SCEL: variants seen among roughly 807,000 people sequenced by gnomAD.
SCEL encodes sciellin.
Under a neutral mutation model 117.6 loss-of-function variants are expected in SCEL, and 113 were observed. That is an observed-to-expected ratio of 0.96 (90% CI 0.83 to 1.12). The LOEUF is 1.12. SCEL is among the 50% of genes most tolerant of loss of function. The pLI is 0.00. For synonymous variants in SCEL, 270 were observed against 256.2 expected (o/e 1.05, Z -0.51); for missense variants, 785 against 810.8 (o/e 0.97, Z 0.39).
intron 8 of SCEL, among the ~76,000 whole-genome samples, chr13:77,571,652 A>G (rs889718315): frequency 2.0e-5 from 3 of 151,396 alleles, no homozygotes; most frequent in East Asian, 1.9e-4. Context: ...TCGCGCCATT[A>G]CACTCCGGCC....
At chr13:77,584,618 T>C (rs1386609590) in intron 9 of SCEL, among the ~76,000 whole-genome samples, 2 of 152,308 alleles carry the variant, frequency 1.3e-5, no homozygotes, top group East Asian at 1.9e-4. Flanking sequence ...GACTGTAACA[T>C]AAGTAAAGCT....
intron 1 of SCEL, among the ~76,000 whole-genome samples, chr13:77,547,366 TA>T (rs901905205): frequency 6.6e-5 from 10 of 152,312 alleles, no homozygotes; most frequent in African/African-American, 2.4e-4. Context: ...TTTTTTAAAA[TA>T]AAAAAATTCA....
At position 77,591,477 on chromosome 13, in the gene SCEL, T is replaced by C; in HGVS notation, c.692+17T>C. On this transcript the variant is annotated intron_variant, in intron 11 of 32. Coordinates refer to ENST00000349847, the MANE Select transcript of SCEL (RefSeq NM_144777.3). ...AAATATAAGGTACACTGATTTCTAT[T>C]TATATCTATGTAACTGTAGTAATGA... The C allele has an allele frequency of 2.9e-6, 4 of 1,376,978 alleles. No individual in the cohort carries two copies. The highest frequency in any genetic ancestry group is 4.1e-6 in the Non-Finnish European group (4 of 969,362). The allele number at this position is 1,376,978 out of a possible 1,614,324, so 85.3% of individuals were successfully genotyped here.
chr13:77,614,013 G>GAATAATTCT, intron 24 of SCEL, 58 bp downstream of exon 24: 1 of 1,332,604 alleles, frequency 7.5e-7, no homozygotes, highest in Non-Finnish European at 1.1e-6. Context: ...AAAATTAATA[G>GAATAATTCT]AAATGATTTA....
At chr13:77,565,478 G>A (rs562545199) in intron 5 of SCEL, among the ~76,000 whole-genome samples, 3 of 152,272 alleles carry the variant, frequency 2.0e-5, no homozygotes, top group East Asian at 1.9e-4. Flanking sequence ...TTTGGGCAAA[G>A]TATCCTGGCA....
chr13:77,613,978 G>C (rs777311775), intron 24 of SCEL, 23 bp downstream of exon 24: 2 of 1,599,832 alleles, frequency 1.3e-6, no homozygotes, highest in Admixed American at 3.4e-5. Flanking sequence ...TGTGATTTTT[G>C]TTGTGTTTCT....
At chr13:77,592,771 C>T (rs904229745) in intron 11 of SCEL, among the ~76,000 whole-genome samples, 4 of 151,974 alleles carry the variant, frequency 2.6e-5, no homozygotes, top group African/African-American at 9.7e-5. Flanking sequence ...CCCTTTGATG[C>T]CCAGGCTAAT....
chr13:77,626,848 C>G (rs1204353597), intron 27 of SCEL, among the ~76,000 whole-genome samples: 1 of 151,980 alleles, frequency 6.6e-6, no homozygotes, highest in East Asian at 1.9e-4. Flanking sequence ...GAATGGTTGA[C>G]TAACTTGGTC....
intron 27 of SCEL, among the ~76,000 whole-genome samples, chr13:77,624,396 G>A (rs544973439): frequency 6.6e-6 from 1 of 152,098 alleles, no homozygotes; most frequent in Admixed American, 6.5e-5. Flanking sequence ...GAACCACCGC[G>A]CCCAGCCAGA....
At chr13:77,558,285 T>C (rs2084772398) in intron 3 of SCEL, among the ~76,000 whole-genome samples, 1 of 152,184 alleles carries the variant, frequency 6.6e-6, no homozygotes, top group Non-Finnish European at 1.5e-5. Context: ...AAAATTGGCT[T>C]TGATGCTTCC....
rs1270765187 is a variant in SCEL at position 77,602,545 on chromosome 13, T to C, written c.978-109T>C. The C allele has an allele frequency of 4.7e-6, 4 of 851,198 alleles. No homozygotes were observed. In the Admixed American group the frequency reaches 6.1e-5, roughly 13 times the overall value. 52.7% of individuals were successfully genotyped at this position (851,198 alleles called of 1,614,324 possible). Reference sequence around the variant, plus strand: ...TTACATCAAAGCTCTTTTTGGTCATTTGGTCCTGAAAACACCTGACACCAC... The same window carrying C: ...TTACATCAAAGCTCTTTTTGGTCATCTGGTCCTGAAAACACCTGACACCAC... On this transcript the variant is annotated intron_variant, in intron 16 of 32. Coordinates refer to ENST00000349847, the MANE Select transcript of SCEL (RefSeq NM_144777.3).
At chr13:77,575,505 T>C (rs1269617043) in intron 9 of SCEL, among the ~76,000 whole-genome samples, 1 of 152,220 alleles carries the variant, frequency 6.6e-6, no homozygotes, top group Non-Finnish European at 1.5e-5. Context: ...TGAAATTTCC[T>C]GAGAAGTGTC....
At chr13:77,573,667 ATCTATCTATCTATCTG>A (rs1186907589) in intron 9 of SCEL, among the ~76,000 whole-genome samples, 27 of 151,638 alleles carry the variant, frequency 1.8e-4, no homozygotes, top group African/African-American at 5.8e-4. Flanking sequence ...CTATCTATCT[ATCTATCTATCTATCTG>A]TCTATCTATC....
At chr13:77,621,317 C>T (rs868820077) in intron 27 of SCEL, among the ~76,000 whole-genome samples, 17 of 152,132 alleles carry the variant, frequency 1.1e-4, no homozygotes, top group Admixed American at 2.6e-4. Flanking sequence ...TTCCCACTCC[C>T]GTCTATTATC....
intron 9 of SCEL, among the ~76,000 whole-genome samples, chr13:77,578,313 AG>A (rs1254071189): frequency 6.6e-6 from 1 of 151,986 alleles, no homozygotes; most frequent in Non-Finnish European, 1.5e-5. Context: ...GCAACTGCAA[AG>A]AGACCACCAC....
rs2090608026 is a variant in SCEL at position 77,642,577 on chromosome 13, G to A, written c.1948-129G>A. 3.6e-5 allele frequency: 19 copies of A among 534,312 alleles called. 1 individual carries two copies. The South Asian group carries it at 4.7e-4, about 13-fold the overall frequency. 33.1% of individuals were successfully genotyped at this position (534,312 alleles called of 1,614,324 possible). A position where few individuals can be genotyped will look rare whatever the true frequency, so the allele number is the denominator to read the frequency against. ...GACATTCATATCTACTCCACTGTGAGTGAAGTAGAAAACTTCAGTGATAAA... is the reference window on the plus strand; with the variant it reads ...GACATTCATATCTACTCCACTGTGAATGAAGTAGAAAACTTCAGTGATAAA... On this transcript the variant is annotated intron_variant, in intron 31 of 32. Coordinates refer to ENST00000349847, the MANE Select transcript of SCEL (RefSeq NM_144777.3).
intron 5 of SCEL, 57 bp downstream of exon 5, chr13:77,563,956 A>G: frequency 8.3e-7 from 1 of 1,208,514 alleles, no homozygotes; most frequent in Non-Finnish European, 1.2e-6. Flanking sequence ...TACATTTTCT[A>G]ATAAAGTTAT....
At chr13:77,625,284 G>T (rs2089673415) in intron 27 of SCEL, among the ~76,000 whole-genome samples, 1 of 152,168 alleles carries the variant, frequency 6.6e-6, no homozygotes, top group African/African-American at 2.4e-5. Flanking sequence ...AATGGCCAAG[G>T]TTGTTAAGAT....
At chr13:77,617,472 G>A (rs551189363) in intron 24 of SCEL, 127 bp from the exon 25 acceptor site, 21 of 573,018 alleles carry the variant, frequency 3.7e-5, no homozygotes, top group Non-Finnish European at 4.9e-5. Flanking sequence ...GTTAGAAAAC[G>A]TATTTCATAG....
Sources: gnomAD v4.1 joint callset for allele counts (sites outside exome capture counted in the v4.1 genomes callset) on GRCh38, gnomAD v4.1.1 for gene constraint, MANE v1.5 for transcripts, NCBI Gene and HGNC (gene_info 2026-07-23, HGNC 2026-07-21) for gene names.